The following GOLT1A variants were observed in gnomAD, a reference collection of about 807,000 sequenced individuals.
GOLT1A encodes the protein vesicle transport protein GOT1A.
A neutral mutation model predicts 16.1 loss-of-function variants in GOLT1A; 10 were observed. The ratio of observed to expected loss-of-function variants is 0.62; its 90% CI spans 0.38 to 1.05. The LOEUF (loss-of-function observed/expected upper bound fraction) is 1.05, where lower values mean the gene tolerates loss of function less well. GOLT1A is among the 50% of genes least tolerant of loss of function. The probability of loss-of-function intolerance (pLI) is 0.01; values close to 1 mark genes in which losing one functional copy is unlikely to be tolerated. For missense variants in GOLT1A, 137 were observed against 165.7 expected, an observed-to-expected ratio of 0.83 and a Z score of 0.95; for synonymous variants, 60 against 67.9, an observed-to-expected ratio of 0.88 and a Z score of 0.57.
chr1:204,198,334 T>C lies in GOLT1A; in HGVS notation c.*124A>G. 1.1e-6 allele frequency: 1 copy of C among 879,650 alleles called. No individual in the cohort carries two copies. Among genetic ancestry groups the C allele is most frequent in the Non-Finnish European group, 1.8e-6 (1 of 553,506 alleles). The allele number at this position is 879,650 out of a possible 1,614,324, so 54.5% of individuals were successfully genotyped here. A position where few individuals can be genotyped will look rare whatever the true frequency, so the allele number is the denominator to read the frequency against. ...GTTGCTCAGCTCCATTCCTTCCTTCTGGACTTGGGGAGGTCCGGATATGTC... is the reference window on the plus strand; with the variant it reads ...GTTGCTCAGCTCCATTCCTTCCTTCCGGACTTGGGGAGGTCCGGATATGTC... On this transcript the variant is annotated 3_prime_UTR_variant, in exon 5 of 5. Coordinates refer to ENST00000308302, the MANE Select transcript of GOLT1A (RefSeq NM_198447.2).
In GOLT1A at chr1:204,213,977, G is replaced by C; in HGVS notation, c.-71C>G. 2 of 1,550,040 alleles carry C rather than the reference G, an allele frequency of 1.3e-6. No individual in the cohort carries two copies. The highest frequency in any genetic ancestry group is 8.8e-7 in the Non-Finnish European group (1 of 1,132,610). Reference sequence around the variant, plus strand: ...GAGCGTGGCCCAGAGGACGCAGCTGGTACATGGTCACGGGAAGCTGACCCT... The same window carrying C: ...GAGCGTGGCCCAGAGGACGCAGCTGCTACATGGTCACGGGAAGCTGACCCT... On this transcript the variant is annotated 5_prime_UTR_variant, in exon 1 of 5. The change creates a premature stop within an existing upstream ORF in the 5' untranslated region. Coordinates refer to ENST00000308302, the MANE Select transcript of GOLT1A (RefSeq NM_198447.2).
chr1:204,208,957 A>G (rs1659098099), intron 1 of GOLT1A, among the ~76,000 whole-genome samples: 1 of 152,214 alleles, frequency 6.6e-6, no homozygotes, highest in African/African-American at 2.4e-5. Context: ...ACTCCATTTA[A>G]GTTTCATCAG....
At chr1:204,203,033 G>C (rs749129769) in intron 1 of GOLT1A, 46 bp from the exon 2 acceptor site, 2 of 1,519,038 alleles carry the variant, frequency 1.3e-6, no homozygotes, top group Admixed American at 3.4e-5. Context: ...TTGGGGAGCA[G>C]GTGGGGACCC....
intron 1 of GOLT1A, among the ~76,000 whole-genome samples, chr1:204,204,102 A>G (rs1311929428): frequency 1.3e-5 from 2 of 152,164 alleles, no homozygotes; most frequent in Non-Finnish European, 1.5e-5. Flanking sequence ...TGCCACTATG[A>G]TAGTCAATAA....
intron 3 of GOLT1A, among the ~76,000 whole-genome samples, chr1:204,199,548 G>A (rs1223029887): frequency 1.3e-5 from 2 of 152,148 alleles, no homozygotes; most frequent in African/African-American, 4.8e-5. Context: ...CATAAAATGT[G>A]GCTAACAATA....
At position 204,212,864 on chromosome 1, in the gene GOLT1A, G is replaced by T. The variant is rs921667328; in HGVS notation, c.25+1018C>A. On this transcript the variant is annotated intron_variant, in intron 1 of 4. Coordinates refer to ENST00000308302, the MANE Select transcript of GOLT1A (RefSeq NM_198447.2). ...TATGATTCTCCCCTCACCTCACTTT[G>T]CTCCAGGTATACCCACCTCCTTGTT... 7.9e-5 allele frequency among the ~76,000 whole-genome samples: 12 copies of T among 152,072 alleles called. No individual in the cohort carries two copies. The South Asian group carries it at 1.7e-3, about 21-fold the overall frequency.
intron 1 of GOLT1A, among the ~76,000 whole-genome samples, chr1:204,204,054 C>A (rs1659004649): frequency 6.6e-6 from 1 of 152,066 alleles, no homozygotes; most frequent in South Asian, 2.1e-4. Flanking sequence ...TTTCCTTAAC[C>A]CTCTCCAGCA....
chr1:204,206,406 T>C (rs1659039819), intron 1 of GOLT1A, among the ~76,000 whole-genome samples: 1 of 152,264 alleles, frequency 6.6e-6, no homozygotes. Flanking sequence ...CCATGGGTCA[T>C]GATGAAGGTT....
In GOLT1A at chr1:204,198,305, G is replaced by T. The variant is rs749540621; in HGVS notation, c.*153C>A. ...TCTTGAGTCGACTTGGGGATTTGACGTCAGTTGCTCAGCTCCATTCCTTCC... is the reference window on the plus strand; with the variant it reads ...TCTTGAGTCGACTTGGGGATTTGACTTCAGTTGCTCAGCTCCATTCCTTCC... On this transcript the variant is annotated 3_prime_UTR_variant, in exon 5 of 5. Transcript: ENST00000308302. 4 of 678,728 alleles carry T rather than the reference G, an allele frequency of 5.9e-6. No individual in the cohort carries two copies. Among genetic ancestry groups the T allele is most frequent in the South Asian group, 5.7e-5 (3 of 52,956 alleles). The allele number at this position is 678,728 out of a possible 1,614,324, so 42.0% of individuals were successfully genotyped here.
At chr1:204,209,787 GT>G (rs1659110067) in intron 1 of GOLT1A, among the ~76,000 whole-genome samples, 1 of 152,232 alleles carries the variant, frequency 6.6e-6, no homozygotes, top group African/African-American at 2.4e-5. Flanking sequence ...AGGCACGGTG[GT>G]TTACACCTAT....
chr1:204,210,122 C>T (rs1324526790), intron 1 of GOLT1A, among the ~76,000 whole-genome samples: 1 of 152,218 alleles, frequency 6.6e-6, no homozygotes, highest in Non-Finnish European at 1.5e-5. Flanking sequence ...GTCCAGTCCA[C>T]TTCTGCAGGC....
intron 3 of GOLT1A, 62 bp from the exon 4 acceptor site, chr1:204,199,320 C>T (rs756533626): frequency 1.8e-4 from 249 of 1,351,248 alleles, no homozygotes; most frequent in Non-Finnish European, 2.4e-4. Context: ...ATAGAGGGCA[C>T]GAGGCTGAGG....
At chr1:204,210,618 G>A (rs965671251) in intron 1 of GOLT1A, among the ~76,000 whole-genome samples, 1 of 151,944 alleles carries the variant, frequency 6.6e-6, no homozygotes, top group Non-Finnish European at 1.5e-5. Context: ...AAATTTTTTT[G>A]TTGTTGAGAC....
At chr1:204,211,127 C>G (rs1293548415) in intron 1 of GOLT1A, among the ~76,000 whole-genome samples, 1 of 152,176 alleles carries the variant, frequency 6.6e-6, no homozygotes, top group Admixed American at 6.5e-5. Flanking sequence ...TATGCAGCAG[C>G]CCCCATTTGG....
At chr1:204,210,844 G>A (rs184296033) in intron 1 of GOLT1A, among the ~76,000 whole-genome samples, 2 of 152,172 alleles carry the variant, frequency 1.3e-5, no homozygotes, top group Admixed American at 1.3e-4. Flanking sequence ...TATCTGCCTG[G>A]TTTTCTCTCA....
intron 1 of GOLT1A, among the ~76,000 whole-genome samples, chr1:204,203,397 C>T (rs1302635025): frequency 6.6e-6 from 1 of 152,202 alleles, no homozygotes; most frequent in Non-Finnish European, 1.5e-5. Flanking sequence ...CCAGCCCACA[C>T]TGCGCAGAAG....
At position 204,202,931 on chromosome 1, in the gene GOLT1A, G is replaced by A. The variant is rs1658984116; in HGVS notation, c.82C>T (p.Leu28=). The change falls in exon 2 of 5, where the codon CTG becomes TTG. Residue 28 remains leucine, a synonymous_variant. Coordinates refer to ENST00000308302, the MANE Select transcript of GOLT1A (RefSeq NM_198447.2). ...GIFFILFGTL[L]YFDSVLLAFG... The stretch of plus-strand genomic sequence containing the variant: ...GCCAGGAGCACGGAATCAAAGTACA[G>A]GAGTGTTCCAAAGAGGATGAAGAAG... 1.2e-6 allele frequency: 2 copies of A among 1,614,038 alleles called. No homozygotes were observed. The highest frequency in any genetic ancestry group is 1.7e-6 in the Non-Finnish European group (2 of 1,179,992).
chr1:204,198,573 T>C (rs1658900672), intron 4 of GOLT1A, 77 bp from the exon 5 acceptor site: 2 of 1,406,410 alleles, frequency 1.4e-6, no homozygotes, highest in Non-Finnish European at 2.0e-6. Context: ...AGAGCTGGCC[T>C]TGAGAGCCAG....
At chr1:204,208,459 C>CT (rs1395409722) in intron 1 of GOLT1A, among the ~76,000 whole-genome samples, 6 of 36,800 alleles carry the variant, frequency 1.6e-4, no homozygotes, top group Non-Finnish European at 3.5e-4. Flanking sequence ...TATATGTATA[C>CT]TTGTGTGTGT....
Sources: gnomAD v4.1 joint callset for allele counts (sites outside exome capture counted in the v4.1 genomes callset) on GRCh38, gnomAD v4.1.1 for gene constraint, MANE v1.5 for transcripts, NCBI Gene and HGNC (gene_info 2026-07-23, HGNC 2026-07-21) for gene names.